Variants in NCKAP5 observed in about 807,000 individuals in gnomAD.
NCKAP5 encodes nck-associated protein 5.
Under a neutral mutation model 167.0 loss-of-function variants are expected in NCKAP5, and 92 were observed. The ratio of observed to expected loss-of-function variants is 0.55; its 90% CI spans 0.47 to 0.66. The LOEUF (loss-of-function observed/expected upper bound fraction) is 0.66. Among genes scored for constraint, NCKAP5 ranks in the 30% least tolerant of loss-of-function variants. The pLI, the probability that NCKAP5 is intolerant of heterozygous loss-of-function variation, is 0.00. For missense variants in NCKAP5, 2,378 were observed against 2,315.0 expected, an observed-to-expected ratio of 1.03 and a Z score of -0.56; for synonymous variants, 891 against 877.4, an observed-to-expected ratio of 1.02 and a Z score of -0.27.
intron 6 of NCKAP5, among the ~76,000 whole-genome samples, chr2:133,111,232 A>C (rs1444156207): frequency 6.6e-6 from 1 of 152,174 alleles, no homozygotes; most frequent in African/African-American, 2.4e-5. Flanking sequence ...AGTGAAGGTG[A>C]ATTTGTGATT....
intron 15 of NCKAP5, among the ~76,000 whole-genome samples, chr2:132,776,768 A>G (rs141189530): frequency 6.6e-6 from 1 of 152,300 alleles, no homozygotes; most frequent in Non-Finnish European, 1.5e-5. Context: ...CTTGCTAATT[A>G]TATTTTTCAT....
At chr2:133,168,069 A>G (rs898649959) in intron 5 of NCKAP5, among the ~76,000 whole-genome samples, 3 of 152,132 alleles carry the variant, frequency 2.0e-5, no homozygotes, top group Non-Finnish European at 2.9e-5. Context: ...TGGCCCTAGA[A>G]CAAGCTGAAA....
intron 8 of NCKAP5, among the ~76,000 whole-genome samples, chr2:132,954,012 A>G (rs2076270872): frequency 6.6e-6 from 1 of 152,232 alleles, no homozygotes. Context: ...CTCAAATGAA[A>G]GCAGAACTGA....
chr2:133,335,159 C>G (rs1464867051), intron 3 of NCKAP5, among the ~76,000 whole-genome samples: 1 of 152,072 alleles, frequency 6.6e-6, no homozygotes, highest in Non-Finnish European at 1.5e-5. Context: ...CCTGCCCAAC[C>G]CTTCCTGGTA....
Position 132,673,283 on chromosome 2 carries a change from G to T in NCKAP5, c.*6C>A. The T allele has an allele frequency of 1.3e-6, 2 of 1,499,142 alleles. No individual in the cohort carries two copies. The highest frequency in any genetic ancestry group is 8.9e-7 in the Non-Finnish European group (1 of 1,119,034). 92.9% of individuals were successfully genotyped at this position (1,499,142 alleles called of 1,614,324 possible). On this transcript the variant is annotated 3_prime_UTR_variant, in exon 20 of 20. Transcript: ENST00000409261. ...TAATCTATTCTCGGGATCGTCTTTT[G>T]TTTCTTCAAGTTGTCTCAATTTCTG... is the stretch of plus-strand genomic sequence containing the variant.
At chr2:133,254,308 T>C (rs1019412105) in intron 4 of NCKAP5, among the ~76,000 whole-genome samples, 4 of 151,890 alleles carry the variant, frequency 2.6e-5, no homozygotes, top group Non-Finnish European at 5.9e-5. Context: ...GGAGAGATGA[T>C]ATGGAGGGAA....
At chr2:133,252,650 A>C (rs935317190) in intron 4 of NCKAP5, among the ~76,000 whole-genome samples, 2 of 152,188 alleles carry the variant, frequency 1.3e-5, no homozygotes, top group Non-Finnish European at 2.9e-5. Context: ...AGATTTTTCT[A>C]TGCCCCTGGG....
At chr2:133,385,405 T>A (rs771327992) in intron 3 of NCKAP5, among the ~76,000 whole-genome samples, 1 of 152,228 alleles carries the variant, frequency 6.6e-6, no homozygotes, top group Non-Finnish European at 1.5e-5. Flanking sequence ...GCCCACTTGA[T>A]CATGGTGGAT....
At chr2:133,229,720 T>C (rs992804171) in intron 4 of NCKAP5, among the ~76,000 whole-genome samples, 3 of 152,174 alleles carry the variant, frequency 2.0e-5, no homozygotes, top group African/African-American at 7.2e-5. Flanking sequence ...TCCTCATTCT[T>C]AACCTTAATG....
At chr2:133,023,303 C>T (rs1049691732) in intron 6 of NCKAP5, among the ~76,000 whole-genome samples, 2 of 152,344 alleles carry the variant, frequency 1.3e-5, no homozygotes, top group African/African-American at 2.4e-5. Context: ...CTTTTTCATA[C>T]TGTCTCTTAG....
intron 6 of NCKAP5, among the ~76,000 whole-genome samples, chr2:132,994,627 C>G (rs2077539837): frequency 6.6e-6 from 1 of 152,206 alleles, no homozygotes; most frequent in South Asian, 2.1e-4. Context: ...TAGGAATGCA[C>G]TCTTCCCATT....
intron 12 of NCKAP5, among the ~76,000 whole-genome samples, chr2:132,794,259 TATATAGAG>T (rs1232635019): frequency 1.2e-3 from 37 of 31,686 alleles, no homozygotes; most frequent in African/African-American, 2.0e-3. Flanking sequence ...TATATATATA[TATATAGAG>T]AGAGAGAGAG....
At chr2:132,955,916 G>C (rs575922631) in intron 8 of NCKAP5, among the ~76,000 whole-genome samples, 28 of 152,278 alleles carry the variant, frequency 1.8e-4, no homozygotes, top group African/African-American at 6.5e-4. Flanking sequence ...CAGTGATGGT[G>C]AGCTTTTTTT....
chr2:132,867,635 G>A (rs1690462286), intron 10 of NCKAP5, among the ~76,000 whole-genome samples: 1 of 152,150 alleles, frequency 6.6e-6, no homozygotes, highest in Admixed American at 6.6e-5. Context: ...ATGTGTGGAT[G>A]TGATGACTGG....
chr2:132,794,247 TATATATATATATATATAGAG>T (rs1287172759), intron 12 of NCKAP5, among the ~76,000 whole-genome samples: 11 of 60,786 alleles, frequency 1.8e-4, no homozygotes, highest in Admixed American at 9.8e-4. Context: ...TATATATATA[TATATATATATATATATAGAG>T]AGAGAGAGAG....
intron 6 of NCKAP5, among the ~76,000 whole-genome samples, chr2:133,066,467 C>T (rs188683476): frequency 2.0e-5 from 3 of 152,076 alleles, no homozygotes; most frequent in Non-Finnish European, 4.4e-5. Context: ...GAATAACAGC[C>T]CAAGTAGAGA....
chr2:133,409,129 T>C (rs1325310806), intron 3 of NCKAP5, among the ~76,000 whole-genome samples: 1 of 152,254 alleles, frequency 6.6e-6, no homozygotes, highest in Non-Finnish European at 1.5e-5. Context: ...AGATTCTTTT[T>C]GGCAGATACT....
intron 6 of NCKAP5, among the ~76,000 whole-genome samples, chr2:133,094,287 G>A (rs913931095): frequency 2.6e-5 from 4 of 151,874 alleles, no homozygotes; most frequent in Middle Eastern, 3.4e-3. Context: ...ATTGGTGTAT[G>A]CATGGTGAGT....
chr2:133,103,570 A>G (rs71413530), intron 6 of NCKAP5, among the ~76,000 whole-genome samples: 58 of 152,210 alleles, frequency 3.8e-4, no homozygotes, highest in Non-Finnish European at 7.4e-4. Context: ...ACAGTGAGAG[A>G]ACCACTTGAG....
Sources: allele counts gnomAD v4.1 joint callset (sites outside exome capture counted in the v4.1 genomes callset), GRCh38; gene constraint gnomAD v4.1.1; transcripts MANE v1.5; gene names NCBI Gene and HGNC (gene_info 2026-07-23, HGNC 2026-07-21).